Variants in DYNC2LI1 observed in about 807,000 individuals in gnomAD.
DYNC2LI1 encodes cytoplasmic dynein 2 light intermediate chain 1.
A neutral mutation model predicts 51.9 loss-of-function variants in DYNC2LI1; 45 were observed. That is an observed-to-expected ratio of 0.87 (90% CI 0.68 to 1.11). The LOEUF is 1.11. DYNC2LI1 is among the 50% of genes most tolerant of loss of function. The probability of loss-of-function intolerance (pLI) is 0.00; values close to 1 mark genes in which losing one functional copy is unlikely to be tolerated. For synonymous variants in DYNC2LI1, 130 were observed against 137.8 expected (o/e 0.94, Z 0.40); for missense variants, 490 against 417.4 (o/e 1.17, Z -1.51).
the DYNC2LI1 span, among the ~76,000 whole-genome samples, chr2:43,827,536 T>G: frequency 6.6e-6 from 1 of 152,122 alleles, no homozygotes; most frequent in Admixed American, 6.5e-5. Context: ...GACTGACTAC[T>G]CTGTTTTGAT....
At chr2:43,818,144 T>C in the DYNC2LI1 span, among the ~76,000 whole-genome samples, 2 of 152,114 alleles carry the variant, frequency 1.3e-5, no homozygotes, top group Admixed American at 1.3e-4. Flanking sequence ...AGGATGATTG[T>C]ATGGCTACTC....
chr2:43,823,035 T>A, the DYNC2LI1 span: 1 of 1,515,244 alleles, frequency 6.6e-7, no homozygotes, highest in African/African-American at 1.4e-5. Context: ...GGCTGGATGG[T>A]GAGGACCAGC....
chr2:43,795,761 T>C, intron 6 of DYNC2LI1, 129 bp from the exon 7 acceptor site: 3 of 703,134 alleles, frequency 4.3e-6, no homozygotes, highest in Admixed American at 5.7e-5. Context: ...GAACAAATTC[T>C]ATGTCAAGCA....
At chr2:43,818,454 A>G in the DYNC2LI1 span, among the ~76,000 whole-genome samples, 2 of 152,216 alleles carry the variant, frequency 1.3e-5, no homozygotes, top group Admixed American at 6.5e-5. Context: ...AAAAAAACAA[A>G]AACAAAAACA....
chr2:43,819,615 A>G, the DYNC2LI1 span, among the ~76,000 whole-genome samples: 2 of 152,066 alleles, frequency 1.3e-5, no homozygotes, highest in East Asian at 3.9e-4. Context: ...GTGGGCTGTG[A>G]GTTTTTCCTG....
intron 3 of DYNC2LI1, among the ~76,000 whole-genome samples, chr2:43,785,625 T>C (rs1403585314): frequency 1.3e-5 from 2 of 151,934 alleles, no homozygotes; most frequent in African/African-American, 4.8e-5. Flanking sequence ...TCCCAGGTCC[T>C]TGGGAGGCTG....
At chr2:43,824,849 A>G in the DYNC2LI1 span, 22 of 1,611,246 alleles carry the variant, frequency 1.4e-5, no homozygotes, top group Admixed American at 5.0e-5. Flanking sequence ...GAGAAAGTTT[A>G]AAAAACATTC....
chr2:43,808,703 A>T (rs992651149), intron 12 of DYNC2LI1, among the ~76,000 whole-genome samples: 2 of 152,192 alleles, frequency 1.3e-5, no homozygotes, highest in African/African-American at 4.8e-5. Flanking sequence ...AAATGGAAGT[A>T]TCCTGCCCTC....
intron 2 of DYNC2LI1, among the ~76,000 whole-genome samples, chr2:43,777,646 G>A (rs556706637): frequency 3.3e-5 from 5 of 152,294 alleles, no homozygotes; most frequent in Admixed American, 6.5e-5. Flanking sequence ...CCACTTAAGC[G>A]CATTGACAAA....
chr2:43,794,702 A>G, intron 6 of DYNC2LI1, 59 bp downstream of exon 6: 1 of 1,612,210 alleles, frequency 6.2e-7, no homozygotes, highest in Non-Finnish European at 8.5e-7. Flanking sequence ...GTTAATGATA[A>G]CATCACAAAC....
intron 8 of DYNC2LI1, among the ~76,000 whole-genome samples, chr2:43,799,796 A>C (rs1666016387): frequency 6.6e-6 from 1 of 152,236 alleles, no homozygotes; most frequent in Non-Finnish European, 1.5e-5. Flanking sequence ...AAAATTAAAC[A>C]GAGCAGTTAT....
At chr2:43,827,799 C>T in the DYNC2LI1 span, among the ~76,000 whole-genome samples, 77 of 152,250 alleles carry the variant, frequency 5.1e-4, 1 homozygote, top group East Asian at 6.9e-3. Context: ...ATGATGGAAT[C>T]GCATCAGGAA....
intron 5 of DYNC2LI1, among the ~76,000 whole-genome samples, chr2:43,790,167 T>C (rs982696143): frequency 1.3e-5 from 2 of 152,192 alleles, no homozygotes; most frequent in African/African-American, 4.8e-5. Flanking sequence ...AAAGGAAGAC[T>C]ATATGTCGGA....
At chr2:43,791,897 A>G (rs1673812199) in intron 5 of DYNC2LI1, among the ~76,000 whole-genome samples, 1 of 152,236 alleles carries the variant, frequency 6.6e-6, no homozygotes, top group Admixed American at 6.5e-5. Flanking sequence ...ATCATTTGCT[A>G]TGAAATAGGT....
At chr2:43,774,337 C>T (rs1672913443) in intron 1 of DYNC2LI1, among the ~76,000 whole-genome samples, 191 bp downstream of exon 1, 1 of 152,158 alleles carries the variant, frequency 6.6e-6, no homozygotes, top group East Asian at 1.9e-4. Flanking sequence ...AAGAAAGTTC[C>T]CTAGGTAGAA....
the DYNC2LI1 span, among the ~76,000 whole-genome samples, chr2:43,817,781 G>T: frequency 6.6e-6 from 1 of 151,696 alleles, no homozygotes; most frequent in African/African-American, 2.4e-5. Context: ...GTAATGGCAG[G>T]CACCTGTAAT....
chr2:43,781,667 A>G (rs1359481422), intron 2 of DYNC2LI1: 2 of 141,084 alleles, frequency 1.4e-5, no homozygotes, highest in South Asian at 2.2e-4. Context: ...CAGTGGTGTG[A>G]TCTCGGCTCA....
intron 7 of DYNC2LI1, 58 bp from the exon 8 acceptor site, chr2:43,796,660 A>G (rs1674049978): frequency 2.4e-6 from 3 of 1,246,614 alleles, no homozygotes; most frequent in Admixed American, 1.8e-5. Context: ...AATAATTTGA[A>G]TCTTCCTGCT....
At chr2:43,775,687 ATTTTCTTTTTTTT>A in intron 1 of DYNC2LI1, 1 of 331,026 alleles carries the variant, frequency 3.0e-6, no homozygotes, top group South Asian at 2.2e-5. Context: ...TTCTTTTTTT[ATTTTCTTTTTTTT>A]TTTTTTAGAC....
Sources: allele counts gnomAD v4.1 joint callset (sites outside exome capture counted in the v4.1 genomes callset), GRCh38; gene constraint gnomAD v4.1.1; transcripts MANE v1.5; gene names NCBI Gene and HGNC (gene_info 2026-07-23, HGNC 2026-07-21).